TGS1: variants seen among roughly 807,000 people sequenced by gnomAD.
TGS1 encodes trimethylguanosine synthase 1, also known as trimethylguanosine synthase.
In TGS1, 69 loss-of-function variants were observed where a neutral mutation model predicts 92.2. That is an observed-to-expected ratio of 0.75 (90% confidence interval 0.62 to 0.91). The LOEUF (loss-of-function observed/expected upper bound fraction) is 0.91, where lower values mean the gene tolerates loss of function less well. Among genes scored for constraint, TGS1 ranks in the 40% least tolerant of loss-of-function variants. TGS1 has a pLI of 0.00. For missense variants in TGS1, 1,062 were observed against 1,001.2 expected, an observed-to-expected ratio of 1.06 and a Z score of -0.82; for synonymous variants, 345 against 338.1, an observed-to-expected ratio of 1.02 and a Z score of -0.22.
chr8:55,785,095 C>T lies in TGS1; in HGVS notation c.167-624C>T, dbSNP rs538759977. ...TTGTTTTTTTTTTGAGACAGAGTCT[C>T]GCTCTCTCACCCAGGCTGGGGTGCA... On this transcript the variant is annotated intron_variant, in intron 2 of 12. Coordinates refer to ENST00000260129, the MANE Select transcript of TGS1 (RefSeq NM_024831.8). 3.3e-3 allele frequency among the ~76,000 whole-genome samples: 483 copies of T among 148,448 alleles called. 1 individual carries two copies. The highest frequency in any genetic ancestry group is 7.3e-3 in the Middle Eastern group (2 of 274).
chr8:55,811,940 A>G (rs1803351925), intron 11 of TGS1, among the ~76,000 whole-genome samples: 2 of 152,216 alleles, frequency 1.3e-5, no homozygotes, highest in Admixed American at 1.3e-4. Context: ...TTTTACCATT[A>G]TAAAACAAGG....
chr8:55,790,706 A>G (rs115852791), intron 5 of TGS1, among the ~76,000 whole-genome samples: 2,265 of 152,146 alleles, frequency 0.015, 65 homozygotes, highest in African/African-American at 0.051. Flanking sequence ...TTTTATAGAG[A>G]CAGGGTCTCG....
intron 7 of TGS1, among the ~76,000 whole-genome samples, chr8:55,798,138 T>C (rs1812113114): frequency 6.6e-6 from 1 of 152,230 alleles, no homozygotes; most frequent in African/African-American, 2.4e-5. Flanking sequence ...TATGTAACTG[T>C]TGTGTCTAAC....
At chr8:55,813,015 T>C (rs368669196) in intron 11 of TGS1, 25 bp from the exon 12 acceptor site, 3 of 1,508,836 alleles carry the variant, frequency 2.0e-6, no homozygotes, top group African/African-American at 2.8e-5. Context: ...GCTGTTTTCA[T>C]TATTTTTCCT....
In TGS1 at chr8:55,824,581, G is replaced by A; in HGVS notation, c.2440G>A (p.Val814Met). 2 of 1,614,068 alleles carry A rather than the reference G, an allele frequency of 1.2e-6. No homozygotes were observed. The highest frequency in any genetic ancestry group is 1.7e-6 in the Non-Finnish European group (2 of 1,180,000). ...GACTTTCTTCTGTTCATCTTTTTAG[G>A]TGGCATCCTTAGCTGGGCCTGGAGG... ...FLPRNADIDQ[V>M]ASLAGPGGQV... Residue 814 changes from valine (V) to methionine (M), a missense_variant and splice_region_variant, in exon 13 of 13, where the codon GTG becomes ATG. Transcript: ENST00000260129.
chr8:55,804,028 C>T (rs996010218), intron 9 of TGS1, among the ~76,000 whole-genome samples: 2 of 152,160 alleles, frequency 1.3e-5, no homozygotes, highest in Non-Finnish European at 2.9e-5. Context: ...TCTCTTTACT[C>T]TAGAGTGGAC....
chr8:55,786,554 C>A lies in TGS1; in HGVS notation c.656C>A (p.Pro219Gln), dbSNP rs550955001. Residue 219 changes from proline (P) to glutamine (Q), a missense_variant, in exon 4 of 13, where the codon CCG becomes CAG. Physicochemically the swap from Pro to Gln is moderately conservative, Grantham distance 76. Transcript: ENST00000260129. ...TGGCAAAGTTGGCAAGAAAAACATC[C>A]GGGTCAAGCACTATCTTCTGAACCT... Reference protein sequence around the residue: ...LLWQSWQEKHPGQALSSEPWN... With the variant: ...LLWQSWQEKHQGQALSSEPWN... 6.2e-7 allele frequency: 1 copy of A among 1,614,080 alleles called. No individual in the cohort carries two copies. Among genetic ancestry groups the A allele is most frequent in the Non-Finnish European group, 8.5e-7 (1 of 1,180,000 alleles).
intron 4 of TGS1, 115 bp downstream of exon 4, chr8:55,787,175 T>A: frequency 1.4e-6 from 1 of 696,976 alleles, no homozygotes; most frequent in Middle Eastern, 2.5e-4. Context: ...ACATTTCATA[T>A]AATAATGAAA....
At chr8:55,809,273 A>G (rs1403037968) in intron 10 of TGS1, among the ~76,000 whole-genome samples, 2 of 152,174 alleles carry the variant, frequency 1.3e-5, no homozygotes, top group Admixed American at 6.5e-5. Context: ...GTTGTTAAAG[A>G]TATCTTTCCC....
chr8:55,802,554 C>A lies in TGS1; in HGVS notation c.1947C>A (p.Ala649=). Residue 649 remains alanine, a synonymous_variant, in exon 9 of 13, where the codon GCC becomes GCA. Transcript: ENST00000260129. ...TTCCTGAGCTGGCAAAATACTGGGC[C>A]CAGAGGTACAGGCTCTTCTCCCGTT... ...AAVPELAKYW[A]QRYRLFSRFD... The A allele has an allele frequency of 6.2e-7, 1 of 1,613,986 alleles. No homozygotes were observed. The highest frequency in any genetic ancestry group is 8.5e-7 in the Non-Finnish European group (1 of 1,179,976).
Position 55,786,683 on chromosome 8 carries a change from T to C in TGS1, c.785T>C (p.Phe262Ser), listed in dbSNP as rs775420162. Residue 262 changes from phenylalanine (F) to serine (S), a missense_variant, in exon 4 of 13, where the codon TTT (phenylalanine) becomes TCT (serine). By Grantham distance (155) the Phe-to-Ser change is radical (BLOSUM62 -2). Coordinates refer to ENST00000260129, the MANE Select transcript of TGS1 (RefSeq NM_024831.8). ...FQYWEAQGWT[F>S]DASQSCDTDT... is the part of the protein sequence containing the mutation. Reference sequence around the variant, plus strand: ...TATTGGGAAGCTCAGGGTTGGACTTTTGATGCCTCGCAAAGCTGTGATACA... The same window carrying C: ...TATTGGGAAGCTCAGGGTTGGACTTCTGATGCCTCGCAAAGCTGTGATACA... 10 of 1,614,022 alleles carry C rather than the reference T, an allele frequency of 6.2e-6. No individual in the cohort carries two copies. The East Asian group carries it at 2.0e-4, about 32-fold the overall frequency.
At chr8:55,786,071 TC>T (rs1811700559) in intron 3 of TGS1, among the ~76,000 whole-genome samples, 166 bp from the exon 4 acceptor site, 1 of 152,218 alleles carries the variant, frequency 6.6e-6, no homozygotes. Flanking sequence ...GTGTGACTGT[TC>T]CTCCTCTTGG....
At chr8:55,776,610 G>C (rs555877196) in intron 1 of TGS1, among the ~76,000 whole-genome samples, 1 of 152,272 alleles carries the variant, frequency 6.6e-6, no homozygotes, top group South Asian at 2.1e-4. Flanking sequence ...AACCGATTAG[G>C]TCAGGGGTGG....
In TGS1 at chr8:55,790,068, A is replaced by G. The variant is rs1811831583; in HGVS notation, c.1163-114A>G. 8.2e-6 allele frequency: 6 copies of G among 732,382 alleles called. No individual in the cohort carries two copies. The East Asian group carries it at 1.5e-4, about 18-fold the overall frequency. The allele number at this position is 732,382 out of a possible 1,614,324, so 45.4% of individuals were successfully genotyped here. ...TAGATGTGAGCTGGCACTTTGATGC[A>G]CATGTACAGTTCATTGTAGAAAAGG... On this transcript the variant is annotated intron_variant, in intron 4 of 12. Coordinates refer to ENST00000260129, the MANE Select transcript of TGS1 (RefSeq NM_024831.8).
intron 12 of TGS1, among the ~76,000 whole-genome samples, chr8:55,817,776 A>C (rs1803524418): frequency 6.6e-6 from 1 of 152,238 alleles, no homozygotes; most frequent in Non-Finnish European, 1.5e-5. Flanking sequence ...GGCTTCTGGT[A>C]CATGTTGGAA....
rs1189720695 is a variant in TGS1 at position 55,811,010 on chromosome 8, A to G, written c.2273A>G (p.Asp758Gly). ...CTGCTGGCTTCTTTTTTAAAGGCTG[A>G]TGTTGTGTTCCTCAGCCCACCTTGG... ...FLLLASFLKA[D>G]VVFLSPPWGG... is the part of the protein sequence containing the mutation. The change falls in exon 11 of 13, where the codon GAT becomes GGT. Residue 758 changes from aspartate to glycine, a missense_variant. Physicochemically the swap from Asp to Gly is moderately conservative, Grantham distance 94. Transcript: ENST00000260129. 6.2e-7 allele frequency: 1 copy of G among 1,614,080 alleles called. No homozygotes were observed. Among genetic ancestry groups the G allele is most frequent in the African/African-American group, 1.3e-5 (1 of 74,924 alleles).
rs763672475 is a variant in TGS1 at position 55,802,607 on chromosome 8, G to A, written c.1999+1G>A. On this transcript the variant is annotated splice_donor_variant, in intron 9 of 12. Coordinates refer to ENST00000260129, the MANE Select transcript of TGS1 (RefSeq NM_024831.8). LOFTEE classifies it high-confidence loss of function. ...GATGATGGGATTAAGTTGGACAGAG[G>A]TAAAGTATATATGTATTTTTTAGCT... 6.2e-7 allele frequency: 1 copy of A among 1,605,564 alleles called. No individual in the cohort carries two copies. Among genetic ancestry groups the A allele is most frequent in the Non-Finnish European group, 8.5e-7 (1 of 1,177,792 alleles).
intron 12 of TGS1, among the ~76,000 whole-genome samples, chr8:55,817,098 C>T (rs768459609): frequency 6.6e-5 from 10 of 152,036 alleles, no homozygotes; most frequent in Non-Finnish European, 1.3e-4. Context: ...CTCTTGACCT[C>T]GTGATCTGCC....
In TGS1 at chr8:55,786,661, T is replaced by C. The variant is rs770275956; in HGVS notation, c.763T>C (p.Trp255Arg). Residue 255 changes from tryptophan (W) to arginine (R), a missense_variant, in exon 4 of 13, where the codon TGG (tryptophan) becomes CGG (arginine). Coordinates refer to ENST00000260129, the MANE Select transcript of TGS1 (RefSeq NM_024831.8). ...YWYYLEQFQY[W>R]EAQGWTFDAS... ...GTATTATTTGGAACAATTTCAGTAT[T>C]GGGAAGCTCAGGGTTGGACTTTTGA... The C allele has an allele frequency of 1.9e-6, 3 of 1,614,138 alleles. No homozygotes were observed. Among genetic ancestry groups the C allele is most frequent in the Middle Eastern group, 1.6e-4 (1 of 6,062 alleles).
Sources: gnomAD v4.1 joint callset for allele counts (sites outside exome capture counted in the v4.1 genomes callset) on GRCh38, gnomAD v4.1.1 for gene constraint, MANE v1.5 for transcripts, NCBI Gene and HGNC (gene_info 2026-07-23, HGNC 2026-07-21) for gene names.